Variants in ZNF518B observed in about 807,000 individuals in gnomAD.
ZNF518B encodes zinc finger protein 518B.
A neutral mutation model predicts 56.3 loss-of-function variants in ZNF518B; 23 were observed. That is an observed-to-expected ratio of 0.41 (90% CI 0.29 to 0.58). The LOEUF (loss-of-function observed/expected upper bound fraction) is 0.58. ZNF518B is among the 20% of genes least tolerant of loss of function. The probability of loss-of-function intolerance (pLI) is 0.32; values close to 1 mark genes in which losing one functional copy is unlikely to be tolerated. For synonymous variants in ZNF518B, 529 were observed against 465.9 expected, an observed-to-expected ratio of 1.14 and a Z score of -1.74; for missense variants, 1,460 against 1,272.1, an observed-to-expected ratio of 1.15 and a Z score of -2.25.
intron 2 of ZNF518B, 110 bp from the exon 3 acceptor site, chr4:10,446,649 C>A: frequency 4.3e-6 from 1 of 234,954 alleles, no homozygotes; most frequent in Non-Finnish European, 8.5e-6. Flanking sequence ...TAAATCTCAA[C>A]GTATGATTTT....
chr4:10,460,318 AAAAAACC>A (rs1236263313), upstream of ZNF518B, among the ~76,000 whole-genome samples: 182 of 87,940 alleles, frequency 2.1e-3, 29 homozygotes, highest in East Asian at 0.016. Context: ...AAAAAAAAAA[AAAAAACC>A]AAAAAAAAAA....
chr4:10,459,591 C>G (rs578249903), upstream of ZNF518B, among the ~76,000 whole-genome samples: 12 of 152,274 alleles, frequency 7.9e-5, no homozygotes, highest in Admixed American at 7.2e-4. Flanking sequence ...AGGGTGGGCC[C>G]TTATCCAATG....
At position 10,446,115 on chromosome 4, in the gene ZNF518B, GAAGA is replaced by G. The variant is rs768402480; in HGVS notation, c.210_213del (p.Leu71LysfsTer30). ...TTCCCTGTACCCTTCTGCAAATCTTGAAGAGAGATCTTGTGAACACTTTTGCACT... is the reference window on the plus strand; with the variant it reads ...TTCCCTGTACCCTTCTGCAAATCTTGGAGATCTTGTGAACACTTTTGCACT... On this transcript the variant is annotated frameshift_variant, in exon 3 of 3. Transcript: ENST00000326756. LOFTEE classifies it low-confidence loss of function (END_TRUNC). 6.2e-7 allele frequency: 1 copy of G among 1,614,154 alleles called. No individual in the cohort carries two copies. Among genetic ancestry groups the G allele is most frequent in the South Asian group, 1.1e-5 (1 of 91,076 alleles).
At chr4:10,447,647 CTTTTT>C (rs10675116) in intron 2 of ZNF518B, among the ~76,000 whole-genome samples, 1 of 121,396 alleles carries the variant, frequency 8.2e-6, no homozygotes, top group Admixed American at 8.8e-5. Context: ...ACAGAGTGAC[CTTTTT>C]TTTTTTTTTT....
chr4:10,446,407 A>G lies in ZNF518B; in HGVS notation c.-79T>C. 1 of 1,392,934 alleles carries G rather than the reference A, an allele frequency of 7.2e-7. No individual in the cohort carries two copies. The highest frequency in any genetic ancestry group is 1.3e-5 in the South Asian group (1 of 75,666). The allele number at this position is 1,392,934 out of a possible 1,614,324, so 86.3% of individuals were successfully genotyped here. On this transcript the variant is annotated 5_prime_UTR_variant, in exon 3 of 3. Transcript: ENST00000326756. The stretch of plus-strand genomic sequence containing the variant: ...TAAAATCCTTAGGAGATATCCTTCT[A>G]TACAGTTTGTGATGGGTAGGGGCGC...
In ZNF518B at chr4:10,440,491, C is replaced by T. The variant is rs1318581327; in HGVS notation, c.*2613G>A. On this transcript the variant is annotated 3_prime_UTR_variant, in exon 3 of 3. Transcript: ENST00000326756. Reference sequence around the variant, plus strand: ...CTCAACACAGGTCTGCCCCTACTCCCTTGTATTGTTAGAAATGTGTTTATT... The same window carrying T: ...CTCAACACAGGTCTGCCCCTACTCCTTTGTATTGTTAGAAATGTGTTTATT... The T allele has an allele frequency of 6.6e-6, 1 of 152,560 alleles. No homozygotes were observed. Among genetic ancestry groups the T allele is most frequent in the Non-Finnish European group, 1.5e-5 (1 of 67,992 alleles). 9.5% of individuals were successfully genotyped at this position (152,560 alleles called of 1,614,324 possible). A position where few individuals can be genotyped will look rare whatever the true frequency, so the allele number is the denominator to read the frequency against.
At chr4:10,460,335 A>AAAAAAAAAAAC (rs1715709467), upstream of ZNF518B, among the ~76,000 whole-genome samples, 1 of 147,790 alleles carries the variant, frequency 6.8e-6, no homozygotes, top group Admixed American at 6.7e-5. Flanking sequence ...CAAAAAAAAA[A>AAAAAAAAAAAC]AAACCGACCA....
chr4:10,444,022 T>A lies in ZNF518B; in HGVS notation c.2307A>T (p.Pro769=), dbSNP rs1470109927. The stretch of plus-strand genomic sequence containing the variant: ...ACACAGCCCCTTTGGGGATTAACAC[T>A]GGCGTGGCAACATGAGCCTTCCTGG... ...RVARKAHVAT[P]VLIPKGAVLR... Residue 769 remains proline (P), a synonymous_variant, in exon 3 of 3, where the codon CCA becomes CCT. Transcript: ENST00000326756. 2 of 1,614,230 alleles carry A rather than the reference T, an allele frequency of 1.2e-6. No individual in the cohort carries two copies. Among genetic ancestry groups the A allele is most frequent in the Admixed American group, 3.3e-5 (2 of 60,028 alleles).
At chr4:10,460,324 CCAAAAAAAAAAAA>C (rs1715707577), upstream of ZNF518B, among the ~76,000 whole-genome samples, 3 of 17,412 alleles carry the variant, frequency 1.7e-4, no homozygotes, top group African/African-American at 7.8e-4. Context: ...AAAAAAAAAA[CCAAAAAAAAAAAA>C]ACCGACCATG....
At chr4:10,448,324 C>G (rs1715157343) in intron 2 of ZNF518B, among the ~76,000 whole-genome samples, 1 of 152,104 alleles carries the variant, frequency 6.6e-6, no homozygotes, top group African/African-American at 2.4e-5. Context: ...ACAATGCTAA[C>G]AGGCCAAGAG....
At chr4:10,453,612 T>C (rs1412745701) in intron 2 of ZNF518B, 1 of 152,076 alleles carries the variant, frequency 6.6e-6, no homozygotes, top group East Asian at 1.9e-4. Context: ...GCATTAAAAA[T>C]ACATATATGG....
At chr4:10,449,746 G>T (rs1022095589) in intron 2 of ZNF518B, among the ~76,000 whole-genome samples, 1 of 152,144 alleles carries the variant, frequency 6.6e-6, no homozygotes, top group African/African-American at 2.4e-5. Context: ...GCCACAATTT[G>T]CTTACCAACT....
rs1440067797 is a variant in ZNF518B at position 10,441,497 on chromosome 4, G to A, written c.*1607C>T. ...GACTACCCAATAAACAATCACTGGTGTCTTTTTCAGGTGCAACAACTCTTT... is the reference window on the plus strand; with the variant it reads ...GACTACCCAATAAACAATCACTGGTATCTTTTTCAGGTGCAACAACTCTTT... On this transcript the variant is annotated 3_prime_UTR_variant, in exon 3 of 3. Coordinates refer to ENST00000326756, the MANE Select transcript of ZNF518B (RefSeq NM_053042.3). 1.3e-5 allele frequency: 2 copies of A among 151,826 alleles called. No individual in the cohort carries two copies. Among genetic ancestry groups the A allele is most frequent in the African/African-American group, 4.9e-5 (2 of 41,184 alleles). 9.4% of individuals were successfully genotyped at this position (151,826 alleles called of 1,614,324 possible).
At chr4:10,454,580 G>A (rs1715453511) in intron 2 of ZNF518B, 1 of 152,172 alleles carries the variant, frequency 6.6e-6, no homozygotes, top group African/African-American at 2.4e-5. Flanking sequence ...TGCATGAGCA[G>A]GTTCCTATGT....
Position 10,440,473 on chromosome 4 carries a change from C to T in ZNF518B, c.*2631G>A, listed in dbSNP as rs1253205158. 1 of 152,608 alleles carries T rather than the reference C, an allele frequency of 6.6e-6. No homozygotes were observed. Among genetic ancestry groups the T allele is most frequent in the African/African-American group, 2.4e-5 (1 of 41,446 alleles). The allele number at this position is 152,608 out of a possible 1,614,324, so 9.5% of individuals were successfully genotyped here. On this transcript the variant is annotated 3_prime_UTR_variant, in exon 3 of 3. Coordinates refer to ENST00000326756, the MANE Select transcript of ZNF518B (RefSeq NM_053042.3). ...TAAGAACCCACACAAATACTCAACA[C>T]AGGTCTGCCCCTACTCCCTTGTATT...
At chr4:10,446,857 C>T (rs572711716) in intron 2 of ZNF518B, among the ~76,000 whole-genome samples, 1 of 152,334 alleles carries the variant, frequency 6.6e-6, no homozygotes, top group East Asian at 1.9e-4. Context: ...TCAGTGAGCA[C>T]ATCTTTCATA....
At position 10,446,393 on chromosome 4, in the gene ZNF518B, G is replaced by A; in HGVS notation, c.-65C>T. On this transcript the variant is annotated 5_prime_UTR_variant, in exon 3 of 3. Coordinates refer to ENST00000326756, the MANE Select transcript of ZNF518B (RefSeq NM_053042.3). ...AAGTTTTCACATGATAAAATCCTTA[G>A]GAGATATCCTTCTATACAGTTTGTG... 6.8e-7 allele frequency: 1 copy of A among 1,471,712 alleles called. No individual in the cohort carries two copies. The highest frequency in any genetic ancestry group is 1.2e-5 in the South Asian group (1 of 80,806). 91.2% of individuals were successfully genotyped at this position (1,471,712 alleles called of 1,614,324 possible). A position where few individuals can be genotyped will look rare whatever the true frequency, so the allele number is the denominator to read the frequency against.
chr4:10,454,461 A>G (rs1476139333), intron 2 of ZNF518B: 1 of 152,188 alleles, frequency 6.6e-6, no homozygotes, highest in Non-Finnish European at 1.5e-5. Flanking sequence ...TGGGTATGAT[A>G]AGTAGAGTAG....
chr4:10,451,709 CTG>C (rs1553836029), intron 2 of ZNF518B: 1 of 152,206 alleles, frequency 6.6e-6, no homozygotes, highest in Non-Finnish European at 1.5e-5. Context: ...TAATTTACCT[CTG>C]TGGCAAAACC....
Sources: gnomAD v4.1 joint callset for allele counts (sites outside exome capture counted in the v4.1 genomes callset) on GRCh38, gnomAD v4.1.1 for gene constraint, MANE v1.5 for transcripts, NCBI Gene and HGNC (gene_info 2026-07-23, HGNC 2026-07-21) for gene names.